The following PLCD1 variants were observed in gnomAD, a reference collection of about 807,000 sequenced individuals.
PLCD1 encodes the protein 1-phosphatidylinositol 4,5-bisphosphate phosphodiesterase delta-1.
In PLCD1, 71 loss-of-function variants were observed where a neutral mutation model predicts 87.4. The ratio of observed to expected loss-of-function variants is 0.81; its 90% CI spans 0.67 to 0.99. PLCD1 has a LOEUF of 0.99. PLCD1 is among the 50% of genes least tolerant of loss of function. The probability of loss-of-function intolerance (pLI) is 0.00; values close to 1 mark genes in which losing one functional copy is unlikely to be tolerated. For synonymous variants in PLCD1, 348 were observed against 399.2 expected, an observed-to-expected ratio of 0.87 and a Z score of 1.53; for missense variants, 867 against 1,001.5, an observed-to-expected ratio of 0.87 and a Z score of 1.81.
At chr3:38,028,202 C>T (rs1196813846) in intron 1 of PLCD1, among the ~76,000 whole-genome samples, 1 of 152,208 alleles carries the variant, frequency 6.6e-6, no homozygotes, top group Non-Finnish European at 1.5e-5. Context: ...GCCCAGCCTC[C>T]CTTCTTGCTA....
intron 1 of PLCD1, among the ~76,000 whole-genome samples, chr3:38,022,759 C>T (rs1163630840): frequency 1.3e-5 from 2 of 152,086 alleles, no homozygotes; most frequent in Non-Finnish European, 2.9e-5. Context: ...CATCTCTTAG[C>T]CTCATTTGGG....
intron 1 of PLCD1, among the ~76,000 whole-genome samples, chr3:38,026,527 TAAAC>T (rs896473584): frequency 8.6e-5 from 13 of 151,098 alleles, no homozygotes; most frequent in East Asian, 1.9e-4. Flanking sequence ...CATAAATAAA[TAAAC>T]AAATAAATAA....
At position 38,029,502 on chromosome 3, in the gene PLCD1, T is replaced by G; in HGVS notation, c.34+4A>C. On this transcript the variant is annotated splice_donor_region_variant and intron_variant, in intron 1 of 14. Transcript: ENST00000334661. Reference sequence around the variant, plus strand: ...TCTCCCGCTCGCGCGGGCCAGGCACTCACCGTGCAGGGTCAGGAAGTCCCG... The same window carrying G: ...TCTCCCGCTCGCGCGGGCCAGGCACGCACCGTGCAGGGTCAGGAAGTCCCG... 6.5e-7 allele frequency: 1 copy of G among 1,539,364 alleles called. No homozygotes were observed. The highest frequency in any genetic ancestry group is 8.7e-7 in the Non-Finnish European group (1 of 1,146,348).
In PLCD1 at chr3:38,011,335, G is replaced by C; in HGVS notation, c.669C>G (p.Gly223=). 2.5e-6 allele frequency: 4 copies of C among 1,612,472 alleles called. No individual in the cohort carries two copies. Among genetic ancestry groups the C allele is most frequent in the Non-Finnish European group, 3.4e-6 (4 of 1,180,040 alleles). ...EIDRTFAEAA[G]SGETLSVDQL... is the part of the protein sequence containing the mutation. ...GATCCACCGACAGAGTCTCCCCTGA[G>C]CCCGCGGCCTCGGCGAAGGTGCGGT... The change falls in exon 5 of 15, where the codon GGC becomes GGG. Residue 223 remains glycine, a synonymous_variant. Transcript: ENST00000334661.
rs72863994 is a variant in PLCD1, at chr3:38,016,407, A to G, written c.428+84T>C. The G allele has an allele frequency of 0.023, 20,233 of 874,778 alleles. 402 individuals carry two copies. The highest frequency in any genetic ancestry group is 0.076 in the African/African-American group (4,621 of 60,598). The allele number at this position is 874,778 out of a possible 1,614,324, so 54.2% of individuals were successfully genotyped here. A position where few individuals can be genotyped will look rare whatever the true frequency, so the allele number is the denominator to read the frequency against. On this transcript the variant is annotated intron_variant, in intron 3 of 14. Transcript: ENST00000334661. ...TATGGCAGCCCAAAGTACCTAAACC[A>G]GCTTCCATACCCAAGTTGCCCTGGG... is the stretch of plus-strand genomic sequence containing the variant.
chr3:38,028,728 C>T (rs894061546), intron 1 of PLCD1, among the ~76,000 whole-genome samples: 3 of 152,190 alleles, frequency 2.0e-5, no homozygotes, highest in Admixed American at 6.5e-5. Context: ...CCAAAGTTAC[C>T]CTCCCCAACC....
chr3:38,010,537 C>G lies in PLCD1; in HGVS notation c.816G>C (p.Lys272Asn), dbSNP rs1700056159. ...ACAGTAAGTACATGAGGAAGCCGTCCTTGGTCATCTGCCGCTGCGCCTTGG... is the reference window on the plus strand; with the variant it reads ...ACAGTAAGTACATGAGGAAGCCGTCGTTGGTCATCTGCCGCTGCGCCTTGG... The part of the protein sequence containing the change: ...ETAKAQRQMT[K>N]DGFLMYLLSA... The change falls in exon 6 of 15, where the codon AAG becomes AAC. Residue 272 changes from lysine to asparagine, a missense_variant. By Grantham distance (94) the Lys-to-Asn change is moderately conservative (BLOSUM62 0). Coordinates refer to ENST00000334661, the MANE Select transcript of PLCD1 (RefSeq NM_006225.4). 2 of 1,613,952 alleles carry G rather than the reference C, an allele frequency of 1.2e-6. No individual in the cohort carries two copies. The highest frequency in any genetic ancestry group is 1.7e-6 in the Non-Finnish European group (2 of 1,179,926).
In PLCD1 at chr3:38,017,189, G is replaced by C. The variant is rs1700171322; in HGVS notation, c.200-470C>G. Reference sequence around the variant, plus strand: ...CACCCTTCTGACTGTATTGGACTTTGGGTCTGTCCTGACCCGATAAAGCCA... The same window carrying C: ...CACCCTTCTGACTGTATTGGACTTTCGGTCTGTCCTGACCCGATAAAGCCA... On this transcript the variant is annotated intron_variant, in intron 2 of 14. Coordinates refer to ENST00000334661, the MANE Select transcript of PLCD1 (RefSeq NM_006225.4). This position sits in a 1 kb window ranked among gnomAD's most constrained non-coding sequence, Gnocchi z 4.7. 6.6e-6 allele frequency among the ~76,000 whole-genome samples: 1 copy of C among 152,058 alleles called. No individual in the cohort carries two copies. Among genetic ancestry groups the C allele is most frequent in the Non-Finnish European group, 1.5e-5 (1 of 67,990 alleles).
intron 1 of PLCD1, among the ~76,000 whole-genome samples, chr3:38,022,952 T>C (rs191626147): frequency 0.014 from 2,107 of 147,230 alleles, 49 homozygotes; most frequent in African/African-American, 0.049. Flanking sequence ...TAGCAAAAAC[T>C]GTGATTACTT....
intron 1 of PLCD1, among the ~76,000 whole-genome samples, chr3:38,029,286 G>C (rs2125553564): frequency 6.7e-6 from 1 of 149,680 alleles, no homozygotes. Flanking sequence ...CCCCGGGCTA[G>C]ATCTCGGACA....
intron 1 of PLCD1, among the ~76,000 whole-genome samples, chr3:38,021,221 G>A (rs925500199): frequency 1.3e-5 from 2 of 152,198 alleles, no homozygotes; most frequent in Admixed American, 6.5e-5. Flanking sequence ...TGAGTGCACT[G>A]TAGCCTGTGT....
In PLCD1 at chr3:38,011,063, T is replaced by C. The variant is rs562839700; in HGVS notation, c.790+151A>G. 1,057 of 623,868 alleles carry C rather than the reference T, an allele frequency of 1.7e-3. 3 individuals carry two copies. The highest frequency in any genetic ancestry group is 2.2e-3 in the Non-Finnish European group (785 of 358,692). 38.6% of individuals were successfully genotyped at this position (623,868 alleles called of 1,614,324 possible). On this transcript the variant is annotated intron_variant, in intron 5 of 14. Coordinates refer to ENST00000334661, the MANE Select transcript of PLCD1 (RefSeq NM_006225.4). The stretch of plus-strand genomic sequence containing the variant: ...CCTGTCTCTCATCTGCCGGCTTTCA[T>C]AGGACCAGAAAGTGTGGAGCAGGGC...
intron 1 of PLCD1, 93 bp downstream of exon 1, chr3:38,029,413 G>C: frequency 8.5e-7 from 1 of 1,177,364 alleles, no homozygotes. Flanking sequence ...GGAGGCGGCC[G>C]AAGGAGCTGG....
At position 38,020,246 on chromosome 3, in the gene PLCD1, GTCC is replaced by G; in HGVS notation, c.138_140del (p.Glu46del). On this transcript the variant is annotated inframe_deletion, in exon 2 of 15. Transcript: ENST00000334661. ...GGGACTCCTGCCAGATGGTCTTGCA[GTCC>G]TCCTGCAACTTGTAGAAGCGCTCTC... 1 of 1,614,074 alleles carries G rather than the reference GTCC, an allele frequency of 6.2e-7. No individual in the cohort carries two copies. The highest frequency in any genetic ancestry group is 1.1e-5 in the South Asian group (1 of 91,086).
At chr3:38,020,409 G>A in intron 1 of PLCD1, 57 bp from the exon 2 acceptor site, 1 of 1,547,380 alleles carries the variant, frequency 6.5e-7, no homozygotes, top group South Asian at 1.1e-5. Flanking sequence ...TGATGCCCTA[G>A]GCCTCACACT....
rs1700169652 is a variant in PLCD1, at chr3:38,017,073, G to T, written c.200-354C>A. Among the ~76,000 whole-genome samples, 1 of 152,094 alleles carries T rather than the reference G, an allele frequency of 6.6e-6. No individual in the cohort carries two copies. Among genetic ancestry groups the T allele is most frequent in the African/African-American group, 2.4e-5 (1 of 41,404 alleles). On this transcript the variant is annotated intron_variant, in intron 2 of 14. Coordinates refer to ENST00000334661, the MANE Select transcript of PLCD1 (RefSeq NM_006225.4). The surrounding 1 kb of genome is among the most constrained non-coding windows in gnomAD (Gnocchi z 4.7). ...CTCTCTCGGTGATGGGGGGTGCAGG[G>T]CCCCAGGGAGAGGACTGGAGCAGGG...
intron 2 of PLCD1, 130 bp from the exon 3 acceptor site, chr3:38,016,849 C>A (rs1700164277): frequency 2.7e-6 from 2 of 732,348 alleles, no homozygotes; most frequent in Admixed American, 2.0e-5. Flanking sequence ...GGAGCTCAGG[C>A]CTTGAGTCCA....
At position 38,010,398 on chromosome 3, in the gene PLCD1, G is replaced by A. The variant is rs778714147; in HGVS notation, c.955C>T (p.Gln319Ter). Residue 319 changes from glutamine (Q) to a stop codon, truncating the protein, a stop_gained, in exon 6 of 15, where the codon CAG becomes TAG. Transcript: ENST00000334661. LOFTEE classifies it high-confidence loss of function. ...SSHNTYLLED[Q>*]LAGPSSTEAY... ...TCAGTGCTGCTGGGCCCGGCTAGCT[G>A]GTCCTCCAGCAGGTAGGTGTTGTGT... is the stretch of plus-strand genomic sequence containing the variant. 2 of 1,614,222 alleles carry A rather than the reference G, an allele frequency of 1.2e-6. No individual in the cohort carries two copies. Among genetic ancestry groups the A allele is most frequent in the Non-Finnish European group, 1.7e-6 (2 of 1,180,032 alleles).
Position 38,009,631 on chromosome 3 carries a change from A to T in PLCD1, c.1446+22T>A, listed in dbSNP as rs766161983. ...GGATGGGGAAGGCCCGGGCTGCCCC[A>T]CCCCACAGCTCCCCCTCAAACCTTG... On this transcript the variant is annotated intron_variant, in intron 9 of 14. Transcript: ENST00000334661. The T allele has an allele frequency of 9.3e-6, 15 of 1,613,514 alleles. No individual in the cohort carries two copies. In the Admixed American group the frequency reaches 2.5e-4, roughly 27 times the overall value.
Sources: gnomAD v4.1 joint callset for allele counts (sites outside exome capture counted in the v4.1 genomes callset) on GRCh38, gnomAD v4.1.1 for gene constraint, Gnocchi (gnomAD v3.1) non-coding constraint, MANE v1.5 for transcripts, NCBI Gene and HGNC (gene_info 2026-07-23, HGNC 2026-07-21) for gene names.